The following SUSD4 variants were observed in gnomAD, a reference collection of about 807,000 sequenced individuals.
SUSD4 encodes the protein sushi domain-containing protein 4.
SUSD4 carries 41 observed loss-of-function variants against 50.5 expected under a neutral mutation model. The ratio of observed to expected loss-of-function variants is 0.81; its 90% CI spans 0.63 to 1.05. The LOEUF is 1.05. Among genes scored for constraint, SUSD4 ranks in the 50% least tolerant of loss-of-function variants. The probability of loss-of-function intolerance (pLI) is 0.00; values close to 1 mark genes in which losing one functional copy is unlikely to be tolerated. For synonymous variants in SUSD4, 257 were observed against 257.3 expected, an observed-to-expected ratio of 1.00 and a Z score of 0.01; for missense variants, 580 against 634.7, an observed-to-expected ratio of 0.91 and a Z score of 0.93.
In SUSD4 at chr1:223,357,362, T is replaced by C. The variant is rs1008278390; in HGVS notation, c.148+5916A>G. 2.6e-5 allele frequency among the ~76,000 whole-genome samples: 4 copies of C among 152,210 alleles called. No individual in the cohort carries two copies. In the South Asian group the frequency reaches 8.3e-4, roughly 32 times the overall value. ...GCTAACTCAGCTTAAAGAAAAATGT[T>C]TGAATCAAATACAATACAAAGAAAA... On this transcript the variant is annotated intron_variant, in intron 2 of 8. Transcript: ENST00000366878.
At chr1:223,256,037 C>G (rs563147707) in intron 5 of SUSD4, among the ~76,000 whole-genome samples, 7 of 152,292 alleles carry the variant, frequency 4.6e-5, no homozygotes, top group African/African-American at 1.7e-4. Context: ...TGGTTGGCAC[C>G]AGCGCCTTGC....
chr1:223,288,021 T>G (rs550543487), intron 3 of SUSD4, among the ~76,000 whole-genome samples: 2 of 152,316 alleles, frequency 1.3e-5, no homozygotes, highest in South Asian at 4.1e-4. Context: ...AGGAACACCC[T>G]GAATCTACCC....
At chr1:223,329,653 C>T (rs112459741) in intron 2 of SUSD4, among the ~76,000 whole-genome samples, 139 of 152,310 alleles carry the variant, frequency 9.1e-4, no homozygotes, top group African/African-American at 3.2e-3. Context: ...TGAAAGATAA[C>T]TTAATGAATG....
intron 2 of SUSD4, chr1:223,360,187 GT>G (rs1558284139): frequency 2.1e-6 from 1 of 470,804 alleles, no homozygotes; most frequent in Non-Finnish European, 4.4e-6. Flanking sequence ...ATACAGAAAT[GT>G]GCTAAAGAAT....
chr1:223,357,663 C>A (rs1352406647), intron 2 of SUSD4, among the ~76,000 whole-genome samples: 1 of 152,212 alleles, frequency 6.6e-6, no homozygotes, highest in South Asian at 2.1e-4. Flanking sequence ...TATTGAAGTA[C>A]TATTAACAAT....
chr1:223,344,499 G>C (rs1470156786), intron 2 of SUSD4, among the ~76,000 whole-genome samples: 1 of 152,006 alleles, frequency 6.6e-6, no homozygotes, highest in African/African-American at 2.4e-5. Flanking sequence ...GTAGCTAAGG[G>C]AAGAGCCACT....
intron 3 of SUSD4, among the ~76,000 whole-genome samples, chr1:223,271,647 G>T (rs1206306601): frequency 2.0e-5 from 3 of 152,186 alleles, no homozygotes; most frequent in Non-Finnish European, 4.4e-5. Context: ...TATCAAAAAA[G>T]TCAACCTTGA....
intron 3 of SUSD4, among the ~76,000 whole-genome samples, chr1:223,273,545 C>T (rs1663059338): frequency 6.6e-6 from 1 of 152,208 alleles, no homozygotes; most frequent in African/African-American, 2.4e-5. Context: ...GGGCCTTCGC[C>T]ATGCCATCTG....
chr1:223,268,341 T>A (rs1477090376), intron 4 of SUSD4, among the ~76,000 whole-genome samples, 161 bp downstream of exon 4: 1 of 152,072 alleles, frequency 6.6e-6, no homozygotes, highest in African/African-American at 2.4e-5. Flanking sequence ...AACAGAGCTT[T>A]GGCAATTGTA....
chr1:223,224,139 C>T (rs1458660285), intron 7 of SUSD4, among the ~76,000 whole-genome samples: 1 of 152,166 alleles, frequency 6.6e-6, no homozygotes, highest in Non-Finnish European at 1.5e-5. Context: ...GAGTTTGAGA[C>T]CAGCCTGGGC....
At chr1:223,285,060 A>C (rs181521304) in intron 3 of SUSD4, among the ~76,000 whole-genome samples, 44 of 152,350 alleles carry the variant, frequency 2.9e-4, no homozygotes, top group Admixed American at 2.5e-3. Flanking sequence ...GATGATGGAC[A>C]TGTGAATTGC....
At chr1:223,312,615 T>C (rs1665944924) in intron 2 of SUSD4, among the ~76,000 whole-genome samples, 1 of 152,168 alleles carries the variant, frequency 6.6e-6, no homozygotes, top group Admixed American at 6.5e-5. Flanking sequence ...CCTGGTGCTT[T>C]GAAAACTCCA....
At chr1:223,360,105 G>A (rs909198725) in intron 2 of SUSD4, 1 of 433,352 alleles carries the variant, frequency 2.3e-6, no homozygotes, top group Non-Finnish European at 4.8e-6. Context: ...TTTTATAGAT[G>A]AGGAAGCTGA....
At chr1:223,352,573 C>T (rs1668427379) in intron 2 of SUSD4, among the ~76,000 whole-genome samples, 1 of 152,126 alleles carries the variant, frequency 6.6e-6, no homozygotes, top group Non-Finnish European at 1.5e-5. Flanking sequence ...GGCAGGCTAT[C>T]AGGCTGCTTT....
rs1368281198 is a variant in SUSD4 at position 223,223,565 on chromosome 1, G to A, written c.1128C>T (p.Leu376=). ...FVVVDGVPVM[L]PSYDEAVSGG... ...CACTCACAGCTTCGTCATAGGACGG[G>A]AGCATGACGGGCACGCCGTCTACCA... Residue 376 remains leucine, a synonymous_variant, in exon 8 of 9, where the codon CTC becomes CTT. Coordinates refer to ENST00000366878, the MANE Select transcript of SUSD4 (RefSeq NM_017982.4). 1.2e-6 allele frequency: 2 copies of A among 1,613,298 alleles called. No individual in the cohort carries two copies. The highest frequency in any genetic ancestry group is 1.7e-5 in the Admixed American group (1 of 59,962).
intron 2 of SUSD4, among the ~76,000 whole-genome samples, chr1:223,292,977 G>T (rs112534268): frequency 6.6e-4 from 100 of 152,300 alleles, no homozygotes; most frequent in African/African-American, 2.0e-3. Flanking sequence ...GTTGAGGAGG[G>T]AACAGTAGGT....
At chr1:223,230,613 A>C (rs1176737399) in intron 5 of SUSD4, 1 of 152,216 alleles carries the variant, frequency 6.6e-6, no homozygotes, top group Non-Finnish European at 1.5e-5. Context: ...AGGTGTCCCG[A>C]TGCGTGTGAA....
intron 2 of SUSD4, among the ~76,000 whole-genome samples, chr1:223,328,394 C>T (rs1277431303): frequency 6.6e-6 from 1 of 152,212 alleles, no homozygotes; most frequent in South Asian, 2.1e-4. Flanking sequence ...CCTTCCTCCT[C>T]TCTGGCCATC....
chr1:223,321,553 C>T (rs554759907), intron 2 of SUSD4, among the ~76,000 whole-genome samples: 76 of 152,308 alleles, frequency 5.0e-4, no homozygotes, highest in African/African-American at 1.8e-3. Flanking sequence ...CTTCTCTGGG[C>T]AGCATGTGTT....
Sources: allele counts gnomAD v4.1 joint callset (sites outside exome capture counted in the v4.1 genomes callset), GRCh38; gene constraint gnomAD v4.1.1; transcripts MANE v1.5; gene names NCBI Gene and HGNC (gene_info 2026-07-23, HGNC 2026-07-21).